The following SNX29 variants were observed in gnomAD, a reference collection of about 807,000 sequenced individuals.
SNX29 encodes the protein sorting nexin-29.
A neutral mutation model predicts 102.1 loss-of-function variants in SNX29; 78 were observed. The observed-to-expected ratio is 0.76, with a 90% CI of 0.64 to 0.92. SNX29 has a LOEUF of 0.92. SNX29 is among the 40% of genes least tolerant of loss of function. SNX29 has a pLI of 0.00. For missense variants in SNX29, 1,280 were observed against 1,061.7 expected (o/e 1.21, Z -2.86); for synonymous variants, 580 against 414.5 (o/e 1.40, Z -4.85).
chr16:12,491,764 G>A (rs186078645), intron 19 of SNX29, among the ~76,000 whole-genome samples: 1 of 151,896 alleles, frequency 6.6e-6, no homozygotes, highest in East Asian at 1.9e-4. Flanking sequence ...CCACCTATAA[G>A]TGAGAACATG....
At chr16:12,055,795 A>C (rs2050495906) in intron 8 of SNX29, among the ~76,000 whole-genome samples, 1 of 152,386 alleles carries the variant, frequency 6.6e-6, no homozygotes, top group South Asian at 2.1e-4. Context: ...AATCTCATCT[A>C]ATAGAAACAG....
At chr16:12,008,412 G>A (rs958651288) in intron 3 of SNX29, among the ~76,000 whole-genome samples, 8 of 152,080 alleles carry the variant, frequency 5.3e-5, no homozygotes, top group Admixed American at 3.3e-4. Flanking sequence ...TGGGATTACA[G>A]GTGTGTACCA....
intron 11 of SNX29, among the ~76,000 whole-genome samples, chr16:12,118,353 C>CTTTTT: frequency 9.6e-6 from 1 of 103,672 alleles, no homozygotes; most frequent in African/African-American, 4.2e-5. Flanking sequence ...TGGAGTCTTG[C>CTTTTT]TCTGTCACCC....
chr16:12,160,395 A>G (rs928051498), intron 13 of SNX29, among the ~76,000 whole-genome samples: 9 of 152,376 alleles, frequency 5.9e-5, no homozygotes, highest in Non-Finnish European at 1.2e-4. Context: ...TGCTCTGCCA[A>G]TTAGCCCACC....
intron 18 of SNX29, among the ~76,000 whole-genome samples, chr16:12,424,584 T>C (rs1337514819): frequency 6.6e-6 from 1 of 152,172 alleles, no homozygotes; most frequent in Non-Finnish European, 1.5e-5. Context: ...GAGGCAGAAA[T>C]AGCTTCAGAG....
chr16:12,131,152 C>A (rs1163058613), intron 13 of SNX29, among the ~76,000 whole-genome samples: 1 of 152,204 alleles, frequency 6.6e-6, no homozygotes, highest in African/African-American at 2.4e-5. Context: ...GCTGTGCTCT[C>A]ACAGCCATGG....
rs557626307 is a variant in SNX29 at position 12,493,294 on chromosome 16, G to A, written c.2178+15435G>A. Among the ~76,000 whole-genome samples the A allele has an allele frequency of 1.5e-3, 224 of 152,180 alleles. 2 individuals carry two copies. Among genetic ancestry groups the A allele is most frequent in the Middle Eastern group, 3.4e-3 (1 of 294 alleles). On this transcript the variant is annotated intron_variant, in intron 19 of 20. Transcript: ENST00000566228. ...TCCTAGGTATTTTATTCTCTTTGAAGCAATTGTGAATGGGAGTTCACTCAT... is the reference window on the plus strand; with the variant it reads ...TCCTAGGTATTTTATTCTCTTTGAAACAATTGTGAATGGGAGTTCACTCAT...
intron 20 of SNX29, among the ~76,000 whole-genome samples, chr16:12,537,916 C>T (rs1000054580): frequency 4.7e-5 from 7 of 148,822 alleles, no homozygotes; most frequent in Admixed American, 1.4e-4. Flanking sequence ...ACCCAGGAGG[C>T]AGAGGTTGCA....
chr16:12,217,202 T>G (rs2077347064), intron 14 of SNX29, among the ~76,000 whole-genome samples: 1 of 152,228 alleles, frequency 6.6e-6, no homozygotes, highest in Non-Finnish European at 1.5e-5. Flanking sequence ...GTATTTTTTG[T>G]AGAGACAGGG....
chr16:12,293,113 A>C (rs1487869297), intron 15 of SNX29, among the ~76,000 whole-genome samples: 1 of 152,202 alleles, frequency 6.6e-6, no homozygotes, highest in Non-Finnish European at 1.5e-5. Flanking sequence ...ATTACTATAC[A>C]TATATTTTCA....
rs563953953 is a variant in SNX29 at position 12,282,052 on chromosome 16, C to G, written c.1782+4016C>G. 9.2e-5 allele frequency among the ~76,000 whole-genome samples: 13 copies of G among 140,758 alleles called. No individual in the cohort carries two copies. In the East Asian group the frequency reaches 2.7e-3, roughly 29 times the overall value. 92.3% of individuals were successfully genotyped at this position (140,758 alleles called of 152,430 possible). ...TGAGCTGGGATCATGGCTCTGCACT[C>G]CAACCTGGGCGACAGAGTGAGACTC... On this transcript the variant is annotated intron_variant, in intron 15 of 20. Coordinates refer to ENST00000566228, the MANE Select transcript of SNX29 (RefSeq NM_032167.5).
intron 18 of SNX29, among the ~76,000 whole-genome samples, chr16:12,462,016 T>TACACACACACACAC (rs375061825): frequency 4.3e-4 from 28 of 65,182 alleles, no homozygotes; most frequent in African/African-American, 2.0e-3. Flanking sequence ...TATATATGTA[T>TACACACACACACAC]ACACACACAC....
At position 12,505,459 on chromosome 16, in the gene SNX29, C is replaced by A. The variant is rs140650417; in HGVS notation, c.2179-19243C>A. 7.9e-5 allele frequency among the ~76,000 whole-genome samples: 12 copies of A among 152,182 alleles called. No individual in the cohort carries two copies. The East Asian group carries it at 2.3e-3, about 29-fold the overall frequency. ...AGAGTTTATTTCTAGAATTTCAGTT[C>A]TTTTTCATTGATCTAAACATCCTTA... On this transcript the variant is annotated intron_variant, in intron 19 of 20. Transcript: ENST00000566228.
chr16:12,024,722 C>G (rs1476907200), intron 3 of SNX29, among the ~76,000 whole-genome samples: 1 of 152,156 alleles, frequency 6.6e-6, no homozygotes, highest in Non-Finnish European at 1.5e-5. Flanking sequence ...CTGGTTTTAT[C>G]TAGAGCTGGC....
intron 4 of SNX29, among the ~76,000 whole-genome samples, chr16:12,036,561 C>T (rs1320168965): frequency 6.6e-6 from 1 of 152,150 alleles, no homozygotes; most frequent in Non-Finnish European, 1.5e-5. Flanking sequence ...GTCTCGATCT[C>T]CTGACCTCGT....
intron 18 of SNX29, among the ~76,000 whole-genome samples, chr16:12,424,094 G>A (rs778486243): frequency 3.3e-5 from 5 of 152,224 alleles, no homozygotes; most frequent in African/African-American, 9.6e-5. Context: ...CCTCAGAGGC[G>A]TGATCAGAAA....
chr16:12,177,886 C>T (rs765385302), intron 13 of SNX29, among the ~76,000 whole-genome samples: 2 of 152,164 alleles, frequency 1.3e-5, no homozygotes, highest in African/African-American at 2.4e-5. Context: ...CCTCACGGAG[C>T]TTAGGTTCTT....
chr16:12,026,294 G>A (rs1567540733), intron 3 of SNX29, among the ~76,000 whole-genome samples: 1 of 152,174 alleles, frequency 6.6e-6, no homozygotes, highest in Non-Finnish European at 1.5e-5. Flanking sequence ...TTTCTTCTAA[G>A]TTCTGATTAA....
chr16:12,434,272 T>C (rs1402628535), intron 18 of SNX29, among the ~76,000 whole-genome samples: 1 of 152,176 alleles, frequency 6.6e-6, no homozygotes. Flanking sequence ...GACCAGAGTG[T>C]GTACAAAGTA....
Sources: allele counts gnomAD v4.1 joint callset (sites outside exome capture counted in the v4.1 genomes callset), GRCh38; gene constraint gnomAD v4.1.1; transcripts MANE v1.5; gene names NCBI Gene and HGNC (gene_info 2026-07-23, HGNC 2026-07-21).